Variants in GRIK2 observed in about 807,000 individuals in gnomAD.
The protein encoded by GRIK2 is glutamate ionotropic receptor kainate type subunit 2.
A neutral mutation model predicts 100.3 loss-of-function variants in GRIK2; 32 were observed. The observed-to-expected ratio is 0.32, with a 90% CI of 0.24 to 0.43. GRIK2 has a LOEUF of 0.43. GRIK2 is among the 20% of genes least tolerant of loss of function. GRIK2 has a pLI of 1.00. For missense variants in GRIK2, 843 were observed against 1,114.9 expected, an observed-to-expected ratio of 0.76 and a Z score of 3.47; for synonymous variants, 417 against 389.4, an observed-to-expected ratio of 1.07 and a Z score of -0.83.
At chr6:101,704,593 T>C (rs1327708046) in intron 7 of GRIK2, among the ~76,000 whole-genome samples, 1 of 151,782 alleles carries the variant, frequency 6.6e-6, no homozygotes, top group Non-Finnish European at 1.5e-5. Flanking sequence ...CTTATTTGTT[T>C]AACAATTTAA....
At chr6:101,782,151 G>A (rs984550149) in intron 7 of GRIK2, among the ~76,000 whole-genome samples, 1 of 152,144 alleles carries the variant, frequency 6.6e-6, no homozygotes, top group African/African-American at 2.4e-5. Flanking sequence ...TCGAGTCACG[G>A]TATTTGGGAT....
intron 2 of GRIK2, among the ~76,000 whole-genome samples, chr6:101,494,971 T>TTTTATATATATATA (rs1554209024): frequency 8.2e-4 from 88 of 107,952 alleles, no homozygotes; most frequent in African/African-American, 3.0e-3. Flanking sequence ...ATATATGCAT[T>TTTTATATATATATA]TATATATATA....
Position 101,818,387 on chromosome 6 carries a change from A to T in GRIK2, c.1221A>T (p.Pro407=). 2 of 1,602,884 alleles carry T rather than the reference A, an allele frequency of 1.2e-6. No individual in the cohort carries two copies. Among genetic ancestry groups the T allele is most frequent in the Non-Finnish European group, 1.7e-6 (2 of 1,169,830 alleles). Residue 407 remains proline (P), a synonymous_variant, in exon 10 of 17, where the codon CCA becomes CCT. Transcript: ENST00000369134. ...TTTTATAGATTGGAACGTGGGATCCAGCCAGTGGCCTGAATATGACAGAAA... is the reference window on the plus strand; with the variant it reads ...TTTTATAGATTGGAACGTGGGATCCTGCCAGTGGCCTGAATATGACAGAAA... ...EGLEKIGTWD[P]ASGLNMTESQ...
In GRIK2 at chr6:101,478,501, T is replaced by C. The variant is rs572370797; in HGVS notation, c.115+79109T>C. On this transcript the variant is annotated intron_variant, in intron 2 of 16. Coordinates refer to ENST00000369134, the MANE Select transcript of GRIK2 (RefSeq NM_021956.5). ...GAACAAACTTGTTCTTTTACTTCTG[T>C]TTTGGTTTTTTTTTTTTTTTTTTTT... 3.6e-4 allele frequency among the ~76,000 whole-genome samples: 52 copies of C among 143,454 alleles called. 1 individual carries two copies. The East Asian group carries it at 0.011, about 30-fold the overall frequency. The allele number at this position is 143,454 out of a possible 152,430, so 94.1% of individuals were successfully genotyped here.
intron 14 of GRIK2, among the ~76,000 whole-genome samples, chr6:102,031,458 A>ATTTTT (rs61504601): frequency 0.64 from 96,556 of 150,426 alleles, 32,509 homozygotes; most frequent in African/African-American, 0.86. Context: ...TTTTTATTTT[A>ATTTTT]AAAATTTTTA....
chr6:101,946,859 C>T (rs1334815379), intron 14 of GRIK2, among the ~76,000 whole-genome samples: 5 of 152,030 alleles, frequency 3.3e-5, no homozygotes, highest in Non-Finnish European at 7.4e-5. Flanking sequence ...ATCTTCATGA[C>T]AGGAGATAGT....
At chr6:101,721,647 A>G (rs191013238) in intron 7 of GRIK2, among the ~76,000 whole-genome samples, 16 of 152,062 alleles carry the variant, frequency 1.1e-4, no homozygotes, top group Admixed American at 9.2e-4. Context: ...TTTTTACTGC[A>G]TATTCTCTTC....
intron 14 of GRIK2, among the ~76,000 whole-genome samples, chr6:102,011,446 T>A (rs1169362794): frequency 6.6e-6 from 1 of 152,082 alleles, no homozygotes; most frequent in Non-Finnish European, 1.5e-5. Flanking sequence ...TATTGGAAGG[T>A]TTTTTGCAAA....
intron 6 of GRIK2, 62 bp from the exon 7 acceptor site, chr6:101,686,118 G>A (rs2852565): frequency 0.28 from 382,709 of 1,372,288 alleles, 62,370 homozygotes; most frequent in African/African-American, 0.66. Context: ...GACTATTTCA[G>A]TAATACATGC....
intron 2 of GRIK2, among the ~76,000 whole-genome samples, chr6:101,576,396 T>A (rs918437473): frequency 2.0e-5 from 3 of 152,080 alleles, no homozygotes; most frequent in Non-Finnish European, 4.4e-5. Context: ...AGGTGATAAT[T>A]GTTAAGACAT....
At position 101,488,843 on chromosome 6, in the gene GRIK2, CAG is replaced by C. The variant is rs201459208; in HGVS notation, c.115+89452_115+89453del. On this transcript the variant is annotated intron_variant, in intron 2 of 16. Transcript: ENST00000369134. ...AGTAGGTGAGGTTGAAAAAAGACCA[CAG>C]GGGATGAATGTACAAAAAACATGTA... 5.5e-3 allele frequency among the ~76,000 whole-genome samples: 801 copies of C among 145,916 alleles called. 117 individuals carry two copies. The highest frequency in any genetic ancestry group is 0.02 in the African/African-American group (759 of 38,314).
intron 7 of GRIK2, among the ~76,000 whole-genome samples, chr6:101,734,207 C>T (rs1338984071): frequency 1.3e-5 from 2 of 152,108 alleles, no homozygotes; most frequent in Admixed American, 6.6e-5. Context: ...AAGAAACTGA[C>T]TCAAGCAATT....
chr6:101,551,376 G>T (rs969443947), intron 2 of GRIK2, among the ~76,000 whole-genome samples: 93 of 152,030 alleles, frequency 6.1e-4, no homozygotes, highest in Admixed American at 9.2e-4. Flanking sequence ...GCCATTCTAG[G>T]TATGCATAAT....
chr6:101,787,784 G>C (rs189544867), intron 7 of GRIK2, among the ~76,000 whole-genome samples: 25 of 152,228 alleles, frequency 1.6e-4, no homozygotes, highest in Admixed American at 1.6e-3. Flanking sequence ...TGCAGTTGTT[G>C]GATGAAAGGT....
intron 9 of GRIK2, among the ~76,000 whole-genome samples, chr6:101,804,771 CAT>C (rs1388094903): frequency 1.3e-5 from 2 of 151,930 alleles, no homozygotes; most frequent in Non-Finnish European, 1.5e-5. Context: ...GTTCACATCA[CAT>C]GTTTTCAATA....
intron 15 of GRIK2, among the ~76,000 whole-genome samples, chr6:102,046,914 G>T (rs1419650193): frequency 2.0e-5 from 3 of 151,854 alleles, no homozygotes; most frequent in Non-Finnish European, 4.4e-5. Flanking sequence ...GAGAAATCTT[G>T]GAAAATTAAC....
Position 101,820,809 on chromosome 6 carries a change from A to G in GRIK2, c.1317+2326A>G, listed in dbSNP as rs561268496. On this transcript the variant is annotated intron_variant, in intron 10 of 16. Coordinates refer to ENST00000369134, the MANE Select transcript of GRIK2 (RefSeq NM_021956.5). ...TTTTCTTGTATCCATCTCAAATGCTACCCACTTCATGAAAATCTTTGACAG... is the reference window on the plus strand; with the variant it reads ...TTTTCTTGTATCCATCTCAAATGCTGCCCACTTCATGAAAATCTTTGACAG... Among the ~76,000 whole-genome samples, 21 of 152,210 alleles carry G rather than the reference A, an allele frequency of 1.4e-4. No individual in the cohort carries two copies. In the East Asian group the frequency reaches 3.9e-3, roughly 28 times the overall value.
intron 2 of GRIK2, among the ~76,000 whole-genome samples, chr6:101,540,383 A>T (rs1775927077): frequency 6.6e-6 from 1 of 151,948 alleles, no homozygotes; most frequent in African/African-American, 2.4e-5. Context: ...TTTTAAAAAT[A>T]ACTAAAATTG....
At chr6:101,794,220 T>C (rs6930110) in intron 7 of GRIK2, among the ~76,000 whole-genome samples, 5,061 of 152,220 alleles carry the variant, frequency 0.033, 197 homozygotes, top group African/African-American at 0.093. Flanking sequence ...GCACTGCTGT[T>C]CTGTGCCCAC....
Sources: allele counts gnomAD v4.1 joint callset (sites outside exome capture counted in the v4.1 genomes callset), GRCh38; gene constraint gnomAD v4.1.1; transcripts MANE v1.5; gene names NCBI Gene and HGNC (gene_info 2026-07-23, HGNC 2026-07-21).